TRIO: variants seen among roughly 807,000 people sequenced by gnomAD.
TRIO encodes the protein trio Rho guanine nucleotide exchange factor.
Under a neutral mutation model 351.9 loss-of-function variants are expected in TRIO, and 58 were observed. That is an observed-to-expected ratio of 0.16 (90% confidence interval 0.13 to 0.21). The LOEUF (loss-of-function observed/expected upper bound fraction) is 0.21. Among genes scored for constraint, TRIO ranks in the 10% least tolerant of loss-of-function variants. The pLI is 1.00. For missense variants in TRIO, 3,201 were observed against 4,027.8 expected (o/e 0.79, Z 5.56); for synonymous variants, 1,758 against 1,595.7 (o/e 1.10, Z -2.42).
chr5:14,216,796 AGTT>A (rs1370339350), intron 1 of TRIO, among the ~76,000 whole-genome samples: 2 of 152,246 alleles, frequency 1.3e-5, no homozygotes, highest in Non-Finnish European at 2.9e-5. Context: ...TGGTCAGTAC[AGTT>A]GTTTTTACTG....
At chr5:14,445,026 G>A (rs1579674080) in intron 34 of TRIO, among the ~76,000 whole-genome samples, 1 of 152,266 alleles carries the variant, frequency 6.6e-6, no homozygotes, top group African/African-American at 2.4e-5. Context: ...TCTTTGGTAT[G>A]TGCTCTTTCT....
chr5:14,245,768 C>T (rs1794402121), intron 1 of TRIO, among the ~76,000 whole-genome samples: 1 of 152,224 alleles, frequency 6.6e-6, no homozygotes, highest in Non-Finnish European at 1.5e-5. Flanking sequence ...ATATTCTGGC[C>T]CGTGCCACAG....
At chr5:14,372,249 G>GGT (rs1343640717) in intron 18 of TRIO, among the ~76,000 whole-genome samples, 5 of 75,224 alleles carry the variant, frequency 6.6e-5, no homozygotes, top group South Asian at 5.0e-4. Context: ...GAGAGGCGGG[G>GGT]GTGTGAGAGA....
chr5:14,279,547 C>T (rs974662474), intron 2 of TRIO, among the ~76,000 whole-genome samples: 9 of 152,050 alleles, frequency 5.9e-5, no homozygotes, highest in African/African-American at 1.9e-4. Context: ...CTGACAACCC[C>T]GATGGAAGTA....
chr5:14,427,471 CGGG>C (rs1750743161), intron 34 of TRIO, among the ~76,000 whole-genome samples: 1 of 152,202 alleles, frequency 6.6e-6, no homozygotes, highest in African/African-American at 2.4e-5. Flanking sequence ...AACCCCAGCA[CGGG>C]GGATACGCCG....
At position 14,248,352 on chromosome 5, in the gene TRIO, C is replaced by G. The variant is rs117043329; in HGVS notation, c.158-22473C>G. 3.6e-3 allele frequency among the ~76,000 whole-genome samples: 546 copies of G among 152,350 alleles called. 23 individuals carry two copies. The East Asian group carries it at 0.082, about 23-fold the overall frequency. On this transcript the variant is annotated intron_variant, in intron 1 of 56. Transcript: ENST00000344204. ...GCATACCCTTCTGTTCAGACACTTG[C>G]TCTTGCGAAGTGTGTTGAATGCATT...
chr5:14,309,175 T>A (rs1738681980), intron 8 of TRIO, among the ~76,000 whole-genome samples: 1 of 150,986 alleles, frequency 6.6e-6, no homozygotes, highest in Admixed American at 6.7e-5. Context: ...AATACATGTG[T>A]TTGTGCATTT....
chr5:14,432,616 C>A (rs1221360077), intron 34 of TRIO, among the ~76,000 whole-genome samples: 1 of 152,014 alleles, frequency 6.6e-6, no homozygotes, highest in African/African-American at 2.4e-5. Context: ...ATCTTTTTTT[C>A]ATCTTTGGGG....
intron 2 of TRIO, among the ~76,000 whole-genome samples, chr5:14,275,914 ATATG>A (rs568393906): frequency 7.4e-4 from 110 of 147,826 alleles, no homozygotes; most frequent in African/African-American, 2.3e-3. Flanking sequence ...ATATATGTCT[ATATG>A]TATGTTTATA....
Position 14,487,504 on chromosome 5 carries a change from G to C in TRIO, c.6876G>C (p.Gly2292=), listed in dbSNP as rs1489890494. 19 of 1,083,206 alleles carry C rather than the reference G, an allele frequency of 1.8e-5. No individual in the cohort carries two copies. Among genetic ancestry groups the C allele is most frequent in the Admixed American group, 4.0e-5 (1 of 25,166 alleles). 67.1% of individuals were successfully genotyped at this position (1,083,206 alleles called of 1,614,324 possible). ...SPIEYQRNHS[G]GGGGGGSGGS... The stretch of plus-strand genomic sequence containing the variant: ...TCGAGTACCAGAGGAACCACAGCGG[G>C]GGCGGCGGCGGCGGCGGCAGCGGGG... The change falls in exon 48 of 57, where the codon GGG becomes GGC. Residue 2292 remains glycine (G), a synonymous_variant. Coordinates refer to ENST00000344204, the MANE Select transcript of TRIO (RefSeq NM_007118.4).
chr5:14,354,454 C>G (rs964166474), intron 11 of TRIO, among the ~76,000 whole-genome samples: 1 of 152,158 alleles, frequency 6.6e-6, no homozygotes, highest in Non-Finnish European at 1.5e-5. Context: ...TTTCTCAGTG[C>G]CCAGAAGGGC....
intron 34 of TRIO, among the ~76,000 whole-genome samples, chr5:14,422,133 A>T (rs187650849): frequency 7.6e-4 from 115 of 152,316 alleles, no homozygotes; most frequent in African/African-American, 2.6e-3. Context: ...CGAGCGAGTT[A>T]AACATGGCCC....
chr5:14,417,867 G>A (rs546143234), intron 33 of TRIO, among the ~76,000 whole-genome samples: 4 of 152,336 alleles, frequency 2.6e-5, no homozygotes, highest in Non-Finnish European at 5.9e-5. Flanking sequence ...GCTGGATGCG[G>A]AGCACAGTGC....
intron 1 of TRIO, among the ~76,000 whole-genome samples, chr5:14,245,605 C>T (rs1363062256): frequency 6.6e-6 from 1 of 152,202 alleles, no homozygotes; most frequent in Admixed American, 6.5e-5. Flanking sequence ...GATGCCTCGG[C>T]GTGGAGAGTC....
At chr5:14,334,133 A>G (rs1741177382) in intron 10 of TRIO, among the ~76,000 whole-genome samples, 1 of 152,222 alleles carries the variant, frequency 6.6e-6, no homozygotes, top group Non-Finnish European at 1.5e-5. Flanking sequence ...GTGAAATGGG[A>G]AATCAGGTAG....
intron 3 of TRIO, among the ~76,000 whole-genome samples, chr5:14,284,057 A>T (rs900570083): frequency 6.6e-6 from 1 of 152,146 alleles, no homozygotes. Context: ...CTTGTTGTCC[A>T]CTAATGAAAT....
intron 38 of TRIO, among the ~76,000 whole-genome samples, chr5:14,472,385 A>C (rs910799301): frequency 5.9e-5 from 9 of 152,168 alleles, no homozygotes; most frequent in Non-Finnish European, 1.0e-4. Context: ...CACTGTGCCT[A>C]GGTGTCTTTT....
intron 13 of TRIO, among the ~76,000 whole-genome samples, chr5:14,362,239 T>C (rs185651995): frequency 2.6e-5 from 4 of 152,368 alleles, no homozygotes; most frequent in African/African-American, 7.2e-5. Flanking sequence ...TGGTTATGGC[T>C]GTGCTATAGT....
At chr5:14,392,370 A>G (rs1169116285) in intron 27 of TRIO, among the ~76,000 whole-genome samples, 1 of 152,250 alleles carries the variant, frequency 6.6e-6, no homozygotes, top group Non-Finnish European at 1.5e-5. Flanking sequence ...CAGATCAACC[A>G]CAATGAGATA....
Sources: allele counts gnomAD v4.1 joint callset (sites outside exome capture counted in the v4.1 genomes callset), GRCh38; gene constraint gnomAD v4.1.1; transcripts MANE v1.5; gene names NCBI Gene and HGNC (gene_info 2026-07-23, HGNC 2026-07-21).